COL6A5: variants seen among roughly 807,000 people sequenced by gnomAD.
COL6A5 encodes collagen type VI alpha 5 chain.
In COL6A5, 48 loss-of-function variants were observed where a neutral mutation model predicts 65.6. The observed-to-expected ratio is 0.73, with a 90% confidence interval of 0.58 to 0.93. The LOEUF is 0.93. COL6A5 is among the 40% of genes least tolerant of loss of function. COL6A5 has a pLI of 0.00. For synonymous variants in COL6A5, 291 were observed against 322.8 expected (o/e 0.90, Z 1.05); for missense variants, 914 against 928.3 (o/e 0.98, Z 0.20).
At chr3:130,369,040 C>T (rs1189149405) in intron 1 of COL6A5, among the ~76,000 whole-genome samples, 1 of 152,110 alleles carries the variant, frequency 6.6e-6, no homozygotes, top group Non-Finnish European at 1.5e-5. Context: ...TAAAGCTGTG[C>T]CCTTCTCCCT....
exon 6 of COL6A5, chr3:130,469,293 C>T (rs1171406288): frequency 6.2e-7 from 1 of 1,613,004 alleles, no homozygotes; most frequent in Non-Finnish European, 8.5e-7. Context: ...AGGAATGTGT[C>T]TCTGAGAGCC....
intron 1 of COL6A5, among the ~76,000 whole-genome samples, chr3:130,355,554 A>G (rs1934892606): frequency 6.6e-6 from 1 of 151,880 alleles, no homozygotes; most frequent in Non-Finnish European, 1.5e-5. Flanking sequence ...AGATATATAC[A>G]CCTCTCAAAT....
Position 130,346,148 on chromosome 3 carries a change from G to T in COL6A5, c.-29+167G>T, listed in dbSNP as rs151300522. Among the ~76,000 whole-genome samples, 90 of 152,316 alleles carry T rather than the reference G, an allele frequency of 5.9e-4. No individual in the cohort carries two copies. The East Asian group carries it at 0.015, about 26-fold the overall frequency. On this transcript the variant is annotated intron_variant and NMD_transcript_variant, in intron 1 of 41. Transcript: ENST00000312481. ...CAGATGGTTAAGACAGGTTCTGAAAGGTAGACTCAGAATTCGAAAGGACCT... is the reference window on the plus strand; with the variant it reads ...CAGATGGTTAAGACAGGTTCTGAAATGTAGACTCAGAATTCGAAAGGACCT...
At chr3:130,375,371 G>T (rs1270169641) in intron 2 of COL6A5, among the ~76,000 whole-genome samples, 1 of 152,138 alleles carries the variant, frequency 6.6e-6, no homozygotes, top group East Asian at 1.9e-4. Flanking sequence ...CAGCTCTGCT[G>T]TAATTTAGGC....
At chr3:130,379,164 G>A (rs1935897985) in intron 3 of COL6A5, among the ~76,000 whole-genome samples, 1 of 152,046 alleles carries the variant, frequency 6.6e-6, no homozygotes, top group Non-Finnish European at 1.5e-5. Flanking sequence ...TAGTGGTGGT[G>A]GTCATGGGAT....
At chr3:130,432,329 C>T (rs936170572) in intron 1 of COL6A5, among the ~76,000 whole-genome samples, 2 of 151,966 alleles carry the variant, frequency 1.3e-5, no homozygotes, top group African/African-American at 2.4e-5. Flanking sequence ...CCAAGGCGGG[C>T]GAATCATGAG....
At chr3:130,349,236 A>G (rs953295104) in intron 1 of COL6A5, among the ~76,000 whole-genome samples, 2 of 152,216 alleles carry the variant, frequency 1.3e-5, no homozygotes, top group Non-Finnish European at 2.9e-5. Flanking sequence ...TTATTTTGGA[A>G]AATAATAAGA....
Position 130,470,910 on chromosome 3 carries a change from CAT to C in COL6A5, c.2272_2273del (p.Val760Ter). The C allele has an allele frequency of 3.7e-6, 6 of 1,612,578 alleles. No homozygotes were observed. The highest frequency in any genetic ancestry group is 5.1e-6 in the Non-Finnish European group (6 of 1,179,140). On this transcript the variant is annotated frameshift_variant, in exon 7 of 8. Coordinates refer to ENST00000512836, the Ensembl canonical transcript of COL6A5. LOFTEE classifies it high-confidence loss of function. ...TATCCCACCGAAGATATGAAAGCCA[CAT>C]GTGTTAACATGACCTCTCCCAACCC...
At chr3:130,401,171 C>T (rs1162195206) in exon 11 of COL6A5, 20 of 1,536,576 alleles carry the variant, frequency 1.3e-5, no homozygotes, top group Non-Finnish European at 1.8e-5. Context: ...ATCACAGTAC[C>T]TGGTGAGTTG....
intron 1 of COL6A5, among the ~76,000 whole-genome samples, chr3:130,348,973 C>A (rs4688876): frequency 2.0e-5 from 3 of 152,060 alleles, no homozygotes; most frequent in Non-Finnish European, 4.4e-5. Flanking sequence ...GTTTGTTTTT[C>A]TGTTGTGAAT....
chr3:130,450,734 G>C (rs561065299), intron 4 of COL6A5, among the ~76,000 whole-genome samples: 72 of 152,244 alleles, frequency 4.7e-4, no homozygotes, highest in Middle Eastern at 6.8e-3. Flanking sequence ...GTATAATTCA[G>C]AGTGACCTTG....
At chr3:130,429,561 T>C, upstream of COL6A5, 1 of 1,546,558 alleles carries the variant, frequency 6.5e-7, no homozygotes, top group African/African-American at 1.4e-5. Flanking sequence ...TTTCCCTCTC[T>C]CCTTTTCACA....
chr3:130,393,102 G>GTT lies in COL6A5; in HGVS notation c.2992+1352_2992+1353dup, dbSNP rs1559875896. Among the ~76,000 whole-genome samples the GTT allele has an allele frequency of 1.5e-3, 228 of 148,340 alleles. 1 individual carries two copies. Among genetic ancestry groups the GTT allele is most frequent in the African/African-American group, 5.2e-3 (210 of 40,416 alleles). The stretch of plus-strand genomic sequence containing the variant: ...TGTGTGTGTGTGTGTGTGTGTGTGT[G>GTT]TTTTTCTTGGAGGCCTCCCTGTGCC... On this transcript the variant is annotated intron_variant and NMD_transcript_variant, in intron 7 of 41. Coordinates refer to the COL6A5 transcript ENST00000312481.
intron 7 of COL6A5, among the ~76,000 whole-genome samples, chr3:130,392,392 A>C (rs908839407): frequency 5.3e-5 from 8 of 152,146 alleles, no homozygotes; most frequent in African/African-American, 1.7e-4. Flanking sequence ...GGTAGGCTGG[A>C]GACATCACAT....
chr3:130,422,301 C>T (rs1459409032), intron 27 of COL6A5, among the ~76,000 whole-genome samples: 3 of 151,674 alleles, frequency 2.0e-5, no homozygotes, highest in Non-Finnish European at 4.4e-5. Flanking sequence ...ATAAGCATGT[C>T]GATAAATAAC....
chr3:130,394,822 GTA>G, intron 7 of COL6A5, 66 bp from the exon 8 acceptor site: 1 of 1,143,168 alleles, frequency 8.7e-7, no homozygotes, highest in South Asian at 1.4e-5. Context: ...AGCAATTTAA[GTA>G]TATGAGGAAA....
intron 1 of COL6A5, among the ~76,000 whole-genome samples, chr3:130,364,924 A>G (rs560778729): frequency 6.6e-6 from 1 of 152,334 alleles, no homozygotes; most frequent in Non-Finnish European, 1.5e-5. Flanking sequence ...ACAAAATAGA[A>G]TTTATTGACT....
At chr3:130,373,182 A>C (rs1294193438) in intron 1 of COL6A5, among the ~76,000 whole-genome samples, 1 of 152,152 alleles carries the variant, frequency 6.6e-6, no homozygotes, top group African/African-American at 2.4e-5. Context: ...GACTACATAA[A>C]TTTTGCGAGG....
exon 11 of COL6A5, chr3:130,401,047 G>A (rs1395295134): frequency 1.9e-6 from 3 of 1,548,190 alleles, no homozygotes; most frequent in Non-Finnish European, 8.7e-7. Context: ...ATGCTCTGCT[G>A]GTAGTGTCCC....
Sources: gnomAD v4.1 joint callset for allele counts (sites outside exome capture counted in the v4.1 genomes callset) on GRCh38, gnomAD v4.1.1 for gene constraint, MANE v1.5 for transcripts, NCBI Gene and HGNC (gene_info 2026-07-23, HGNC 2026-07-21) for gene names.